The following ACSS2 variants were observed in gnomAD, a reference collection of about 807,000 sequenced individuals.
ACSS2 encodes acyl-CoA synthetase short chain family member 2, also known as acetyl-coenzyme A synthetase, cytoplasmic.
Under a neutral mutation model 90.6 loss-of-function variants are expected in ACSS2, and 58 were observed. The ratio of observed to expected loss-of-function variants is 0.64; its 90% CI spans 0.52 to 0.80. ACSS2 has a LOEUF of 0.80. Among genes scored for constraint, ACSS2 ranks in the 30% least tolerant of loss-of-function variants. The probability of loss-of-function intolerance (pLI) is 0.00; values close to 1 mark genes in which losing one functional copy is unlikely to be tolerated. For missense variants in ACSS2, 759 were observed against 912.0 expected, an observed-to-expected ratio of 0.83 and a Z score of 2.16; for synonymous variants, 300 against 330.9, an observed-to-expected ratio of 0.91 and a Z score of 1.01.
Position 34,876,614 on chromosome 20 carries a change from A to G in ACSS2, c.-32A>G. 1 of 1,211,446 alleles carries G rather than the reference A, an allele frequency of 8.3e-7. No homozygotes were observed. The highest frequency in any genetic ancestry group is 1.6e-5 in the African/African-American group (1 of 61,344). The allele number at this position is 1,211,446 out of a possible 1,614,324, so 75.0% of individuals were successfully genotyped here. On this transcript the variant is annotated 5_prime_UTR_variant, in exon 1 of 18. Transcript: ENST00000360596. The stretch of plus-strand genomic sequence containing the variant: ...CAGTCCCGGCACCCGCCGCGACCGC[A>G]AAGGCGGCCGCGGTTCTAGGAACTT...
Position 34,919,585 on chromosome 20 carries a change from G to A in ACSS2, c.972+13G>A, listed in dbSNP as rs768216528. 3 of 1,237,128 alleles carry A rather than the reference G, an allele frequency of 2.4e-6. No individual in the cohort carries two copies. The highest frequency in any genetic ancestry group is 2.6e-4 in the Middle Eastern group (1 of 3,848). 76.6% of individuals were successfully genotyped at this position (1,237,128 alleles called of 1,614,324 possible). On this transcript the variant is annotated intron_variant, in intron 8 of 17. Transcript: ENST00000360596. ...AGGCAAACCCAAGGCAAGTGTGTGT[G>A]TGTGTGTGTGTGTGTGTGTGTGTGT... is the stretch of plus-strand genomic sequence containing the variant.
chr20:34,914,151 C>T lies in ACSS2; in HGVS notation c.699C>T (p.Ala233=). 6.2e-7 allele frequency: 1 copy of T among 1,614,182 alleles called. No homozygotes were observed. The highest frequency in any genetic ancestry group is 1.1e-5 in the South Asian group (1 of 91,080). ...LVNLKELADE[A]LQKCQEKGFP... is the part of the protein sequence containing the mutation. ...ACCTGAAGGAGCTGGCTGACGAGGCCCTGCAGAAGTGTCAGGAGAAGTAAG... is the reference window on the plus strand; with the variant it reads ...ACCTGAAGGAGCTGGCTGACGAGGCTCTGCAGAAGTGTCAGGAGAAGTAAG... The change falls in exon 6 of 18, where the codon GCC becomes GCT. Residue 233 remains alanine, a synonymous_variant. Transcript: ENST00000360596.
chr20:34,904,120 TG>T (rs1213012491), intron 2 of ACSS2, among the ~76,000 whole-genome samples: 4 of 151,966 alleles, frequency 2.6e-5, no homozygotes, highest in Non-Finnish European at 5.9e-5. Flanking sequence ...TAAAGGGCTT[TG>T]GGAGGAAGAA....
chr20:34,909,194 C>CAAAAAAAAAA (rs759144830), intron 2 of ACSS2, among the ~76,000 whole-genome samples: 137 of 45,096 alleles, frequency 3.0e-3, no homozygotes, highest in Non-Finnish European at 5.3e-3. Flanking sequence ...CCTGTCTTTG[C>CAAAAAAAAAA]AAAAAAAAAA....
At chr20:34,899,175 C>G (rs1029612162) in intron 2 of ACSS2, among the ~76,000 whole-genome samples, 56 of 152,302 alleles carry the variant, frequency 3.7e-4, no homozygotes, top group African/African-American at 1.3e-3. Context: ...GGTTCCCGCT[C>G]GGGCCTCTCC....
At chr20:34,897,533 G>A (rs1045828872) in intron 2 of ACSS2, among the ~76,000 whole-genome samples, 3 of 152,098 alleles carry the variant, frequency 2.0e-5, no homozygotes, top group Non-Finnish European at 4.4e-5. Context: ...GTTATAGGCC[G>A]GATGCAGTGG....
chr20:34,898,890 CA>C (rs2080545419), intron 2 of ACSS2, among the ~76,000 whole-genome samples: 1 of 151,742 alleles, frequency 6.6e-6, no homozygotes, highest in Admixed American at 6.6e-5. Flanking sequence ...CACAGGAGCC[CA>C]CGGTGGGGGT....
chr20:34,876,487 C>G, upstream of ACSS2: 2 of 794,812 alleles, frequency 2.5e-6, no homozygotes, highest in Non-Finnish European at 3.5e-6. Context: ...AGACACGGCC[C>G]CGCCCCCTCT....
chr20:34,882,779 C>G lies in ACSS2; in HGVS notation c.179-15C>G. On this transcript the variant is annotated splice_polypyrimidine_tract_variant and intron_variant, in intron 1 of 17. Coordinates refer to ENST00000360596, the MANE Select transcript of ACSS2 (RefSeq NM_018677.4). ...CAGAAGATTAATGATATCTGGGCTT[C>G]CATTTCTGTTGCAGAATTCTGGGGA... 6.2e-7 allele frequency: 1 copy of G among 1,610,946 alleles called. No homozygotes were observed. Among genetic ancestry groups the G allele is most frequent in the Non-Finnish European group, 8.5e-7 (1 of 1,178,684 alleles).
chr20:34,877,589 G>A (rs1478483086), intron 1 of ACSS2, among the ~76,000 whole-genome samples: 1 of 151,910 alleles, frequency 6.6e-6, no homozygotes, highest in Non-Finnish European at 1.5e-5. Flanking sequence ...AGGCCGAGGC[G>A]GGCGGATCAC....
chr20:34,896,126 T>G (rs1446107835), intron 2 of ACSS2, among the ~76,000 whole-genome samples: 31 of 152,152 alleles, frequency 2.0e-4, no homozygotes, highest in Non-Finnish European at 1.0e-4. Context: ...CTCCTGTAAG[T>G]AGGCATGTAG....
At chr20:34,915,395 T>C in intron 7 of ACSS2, 1 of 914,744 alleles carries the variant, frequency 1.1e-6, no homozygotes, top group Non-Finnish European at 1.8e-6. Context: ...ACTTGACATC[T>C]AAGCCACTGA....
chr20:34,891,354 A>G (rs2080331598), intron 2 of ACSS2, among the ~76,000 whole-genome samples: 1 of 152,154 alleles, frequency 6.6e-6, no homozygotes, highest in African/African-American at 2.4e-5. Flanking sequence ...CCAGAATTCT[A>G]TGACTGTTTC....
At chr20:34,922,007 A>AGACCCTGGAGGG in intron 13 of ACSS2, 141 bp downstream of exon 13, 2 of 1,468,162 alleles carry the variant, frequency 1.4e-6, no homozygotes, top group Non-Finnish European at 1.8e-6. Context: ...GCTCACTGAG[A>AGACCCTGGAGGG]GACCCTGGAG....
intron 2 of ACSS2, among the ~76,000 whole-genome samples, chr20:34,899,484 T>G (rs1184405501): frequency 1.3e-5 from 2 of 150,900 alleles, no homozygotes; most frequent in East Asian, 1.9e-4. Context: ...TTTCTTTCTT[T>G]TCTTTCTTTT....
At chr20:34,885,426 A>G (rs1339644012) in intron 2 of ACSS2, among the ~76,000 whole-genome samples, 1 of 152,162 alleles carries the variant, frequency 6.6e-6, no homozygotes, top group East Asian at 1.9e-4. Context: ...TTACCTGAAC[A>G]GGCTCTGGAG....
chr20:34,919,275 T>C (rs1198657970), intron 7 of ACSS2, among the ~76,000 whole-genome samples, 160 bp from the exon 8 acceptor site: 3 of 152,166 alleles, frequency 2.0e-5, no homozygotes, highest in Admixed American at 1.3e-4. Flanking sequence ...GCTTGGGTTC[T>C]GCTCCTGTTC....
At chr20:34,909,303 G>A (rs1475712663) in intron 2 of ACSS2, among the ~76,000 whole-genome samples, 1 of 152,076 alleles carries the variant, frequency 6.6e-6, no homozygotes, top group Non-Finnish European at 1.5e-5. Flanking sequence ...GGGAGGTTGA[G>A]GCTGTAGTGA....
intron 2 of ACSS2, among the ~76,000 whole-genome samples, chr20:34,892,152 C>T (rs2080350165): frequency 6.6e-6 from 1 of 152,206 alleles, no homozygotes; most frequent in South Asian, 2.1e-4. Flanking sequence ...GATAAATTCT[C>T]TACATTTCTG....
Sources: allele counts gnomAD v4.1 joint callset (sites outside exome capture counted in the v4.1 genomes callset), GRCh38; gene constraint gnomAD v4.1.1; transcripts MANE v1.5; gene names NCBI Gene and HGNC (gene_info 2026-07-23, HGNC 2026-07-21).